Variants in PLXNB2 observed in about 807,000 individuals in gnomAD.
The protein encoded by PLXNB2 is plexin B2.
PLXNB2 carries 85 observed loss-of-function variants against 202.6 expected under a neutral mutation model. The observed-to-expected ratio is 0.42, with a 90% CI of 0.35 to 0.50. The LOEUF is 0.50. PLXNB2 is among the 20% of genes least tolerant of loss of function. The pLI, the probability that PLXNB2 is intolerant of heterozygous loss-of-function variation, is 0.02. For synonymous variants in PLXNB2, 1,239 were observed against 1,137.6 expected (o/e 1.09, Z -1.79); for missense variants, 2,063 against 2,586.2 (o/e 0.80, Z 4.39).
chr22:50,289,496 A>G lies in PLXNB2; in HGVS notation c.1068+21T>C, dbSNP rs750895152. 2.5e-6 allele frequency: 4 copies of G among 1,587,896 alleles called. No individual in the cohort carries two copies. Among genetic ancestry groups the G allele is most frequent in the Admixed American group, 3.5e-5 (2 of 57,358 alleles). Reference sequence around the variant, plus strand: ...GGACGCCTGCAGTCCGGGCCCTGCGAGAACACACTGAGGCCCATACCGGCG... The same window carrying G: ...GGACGCCTGCAGTCCGGGCCCTGCGGGAACACACTGAGGCCCATACCGGCG... On this transcript the variant is annotated intron_variant, in intron 3 of 36. Transcript: ENST00000359337. This position sits in a 1 kb window ranked among gnomAD's most constrained non-coding sequence, Gnocchi z 8.0.
In PLXNB2 at chr22:50,281,151, ATCT is replaced by A; in HGVS notation, c.3698_3700del (p.Lys1233del). On this transcript the variant is annotated inframe_deletion, in exon 23 of 37. Transcript: ENST00000359337. ...CTCCAGGCCCTCCAGCTGGGACTTGATCTTCTCATACTCTCGTTCGGCCTGCTG... is the reference window on the plus strand; with the variant it reads ...CTCCAGGCCCTCCAGCTGGGACTTGATCTCATACTCTCGTTCGGCCTGCTG... The A allele has an allele frequency of 6.2e-7, 1 of 1,613,154 alleles. No individual in the cohort carries two copies. The highest frequency in any genetic ancestry group is 8.5e-7 in the Non-Finnish European group (1 of 1,179,900).
In PLXNB2 at chr22:50,282,227, G is replaced by T; in HGVS notation, c.3074C>A (p.Ser1025Tyr). 1 of 1,612,220 alleles carries T rather than the reference G, an allele frequency of 6.2e-7. No individual in the cohort carries two copies. The highest frequency in any genetic ancestry group is 1.1e-5 in the South Asian group (1 of 91,046). Residue 1025 changes from serine (S) to tyrosine (Y), a missense_variant, in exon 19 of 37, where the codon TCC becomes TAC. Physicochemically the swap from Ser to Tyr is moderately radical, Grantham distance 144 (BLOSUM62 -2). This residue lies in a region of PLXNB2 where 1,303 missense variants were observed against 1,476.8 expected (regional missense o/e 0.88). Transcript: ENST00000359337. ...AMVVIAEPLQSWQPPREAESL... is the reference protein window; with the variant it reads ...AMVVIAEPLQYWQPPREAESL... ...TTCAGCCTCCCGCGGCGGCTGCCAG[G>T]ACTGCAGGGGCTCCGCGATGACCAC...
Position 50,287,736 on chromosome 22 carries a change from G to A in PLXNB2, c.1539C>T (p.Ser513=), listed in dbSNP as rs556631784. The A allele has an allele frequency of 5.6e-5, 88 of 1,580,422 alleles. No homozygotes were observed. The highest frequency in any genetic ancestry group is 7.1e-5 in the Non-Finnish European group (83 of 1,168,828). The change falls in exon 7 of 37, where the codon AGC becomes AGT. Residue 513 remains serine (S), a synonymous_variant. Coordinates refer to ENST00000359337, the MANE Select transcript of PLXNB2 (RefSeq NM_012401.4). ...RAEEASHWLW[S]RSKSCVAVTS... is the part of the protein sequence containing the mutation. ...TGACGGCCACGCAGGACTTGCTTCG[G>A]CTCCACAGCCAGTGGCTGGCCTCCT...
intron 1 of PLXNB2, among the ~76,000 whole-genome samples, chr22:50,298,830 G>A (rs1002386494): frequency 8.5e-5 from 13 of 152,224 alleles, no homozygotes; most frequent in Non-Finnish European, 7.3e-5. Context: ...TATTTCAGTA[G>A]AGATGGGGCT....
At chr22:50,301,716 G>A (rs935973440) in intron 1 of PLXNB2, among the ~76,000 whole-genome samples, 35 of 152,330 alleles carry the variant, frequency 2.3e-4, no homozygotes, top group Middle Eastern at 6.8e-3. Flanking sequence ...TCTCACCCCC[G>A]GGGTGGGCGT....
intron 18 of PLXNB2, 29 bp downstream of exon 18, chr22:50,282,682 A>C (rs1468978762): frequency 6.6e-7 from 1 of 1,516,362 alleles, no homozygotes; most frequent in African/African-American, 1.4e-5. Flanking sequence ...TGTGGGGAGC[A>C]GAGGGGGGCG....
Position 50,283,994 on chromosome 22 carries a change from C to A in PLXNB2, c.2264-4G>T, listed in dbSNP as rs764571552. 6.5e-7 allele frequency: 1 copy of A among 1,537,002 alleles called. No individual in the cohort carries two copies. Among genetic ancestry groups the A allele is most frequent in the African/African-American group, 1.4e-5 (1 of 73,216 alleles). On this transcript the variant is annotated splice_polypyrimidine_tract_variant and splice_region_variant and intron_variant, in intron 13 of 36. Transcript: ENST00000359337. Reference sequence around the variant, plus strand: ...AAGGAGCAGTTGTAGAGGGTCACTGCGGGGAGAGCTGCCGTCAGTGGTCAC... The same window carrying A: ...AAGGAGCAGTTGTAGAGGGTCACTGAGGGGAGAGCTGCCGTCAGTGGTCAC...
chr22:50,303,670 C>A (rs922287815), intron 1 of PLXNB2, among the ~76,000 whole-genome samples: 3 of 152,230 alleles, frequency 2.0e-5, no homozygotes, highest in Admixed American at 6.5e-5. Context: ...GCCCAGAAAT[C>A]GGTGCTGGAC....
rs139600485 is a variant in PLXNB2, at chr22:50,305,874, T to C, written c.-74+1679A>G. On this transcript the variant is annotated intron_variant, in intron 1 of 36. Coordinates refer to ENST00000359337, the MANE Select transcript of PLXNB2 (RefSeq NM_012401.4). ...GTTCCATGGTCTCCCCCAGAGGGGC[T>C]TGGGCCCACTGCAGGCTCAGCAGGG... Among the ~76,000 whole-genome samples, 988 of 152,248 alleles carry C rather than the reference T, an allele frequency of 6.5e-3. 19 individuals are homozygous for C. The highest frequency in any genetic ancestry group is 0.023 in the African/African-American group (953 of 41,532).
chr22:50,296,916 G>T (rs555777698), intron 1 of PLXNB2, among the ~76,000 whole-genome samples: 1 of 152,322 alleles, frequency 6.6e-6, no homozygotes, highest in Admixed American at 6.5e-5. Flanking sequence ...CCACAGCTGT[G>T]CATGGACTGT....
chr22:50,288,546 C>T lies in PLXNB2; in HGVS notation c.1380+197G>A, dbSNP rs1023888781. Among the ~76,000 whole-genome samples the T allele has an allele frequency of 6.6e-6, 1 of 152,044 alleles. No homozygotes were observed. Among genetic ancestry groups the T allele is most frequent in the Non-Finnish European group, 1.5e-5 (1 of 68,006 alleles). On this transcript the variant is annotated intron_variant, in intron 5 of 36. Transcript: ENST00000359337. The surrounding 1 kb of genome is among the most constrained non-coding windows in gnomAD (Gnocchi z 5.0). ...GGACAAACAGAAGGAGCGGCAGAGA[C>T]GGGGCAGTGCTAGAGAGACACAGGA...
At chr22:50,276,524 C>G in intron 35 of PLXNB2, 105 bp downstream of exon 35, 1 of 993,000 alleles carries the variant, frequency 1.0e-6, no homozygotes, top group Non-Finnish European at 1.6e-6. Context: ...CACCCTCTCT[C>G]CCCCTCAGCA....
chr22:50,289,959 C>G lies in PLXNB2; in HGVS notation c.626G>C (p.Gly209Ala). 6.2e-7 allele frequency: 1 copy of G among 1,613,348 alleles called. No individual in the cohort carries two copies. ...CTGCTGTGTGTTGGTGGACAGGTAG[C>G]CGGCCTTGTAGGTGGCGTGGTCCGT... ...AYTDHATYKA[G>A]YLSTNTQQFV... The change falls in exon 3 of 37, where the codon GGC (glycine) becomes GCC (alanine). Residue 209 changes from glycine (G) to alanine (A), a missense_variant. Gly to Ala is a moderately conservative substitution (Grantham distance 60). Transcript: ENST00000359337. The surrounding 1 kb of genome is among the most constrained non-coding windows in gnomAD (Gnocchi z 8.0).
chr22:50,296,580 G>C (rs2067288429), intron 1 of PLXNB2, among the ~76,000 whole-genome samples: 1 of 100,788 alleles, frequency 9.9e-6, no homozygotes, highest in Non-Finnish European at 1.8e-5. Flanking sequence ...GAAAGAGCAA[G>C]ACTCTGTCTC....
intron 1 of PLXNB2, among the ~76,000 whole-genome samples, chr22:50,296,230 A>ACACACACACAC (rs1555926917): frequency 2.1e-5 from 3 of 146,160 alleles, no homozygotes; most frequent in South Asian, 2.1e-4. Context: ...ACACACACAC[A>ACACACACACAC]ATAAAAAAGT....
At chr22:50,280,223 G>GCCAC in intron 25 of PLXNB2, 152 bp from the exon 26 acceptor site, 1 of 660,374 alleles carries the variant, frequency 1.5e-6, no homozygotes, top group East Asian at 2.8e-5. Context: ...GGCAGCTCCA[G>GCCAC]CCCTTGTGGG....
intron 27 of PLXNB2, 117 bp from the exon 28 acceptor site, chr22:50,279,128 GCCC>G (rs761236779): frequency 1.1e-5 from 11 of 1,045,758 alleles, no homozygotes; most frequent in Non-Finnish European, 1.4e-5. Flanking sequence ...TGGGCAGCAG[GCCC>G]CCGCCAGCCC....
chr22:50,284,630 C>T lies in PLXNB2; in HGVS notation c.2124G>A (p.Lys708=). ...CCTGCATGGTCACCGGCTCCATGAA[C>T]TTGAGCAAGTCACTGCCCACGTGCA... ...SSLHVGSDLL[K]FMEPVTMQES... Residue 708 remains lysine (K), a synonymous_variant, in exon 12 of 37, where the codon AAG becomes AAA. Coordinates refer to ENST00000359337, the MANE Select transcript of PLXNB2 (RefSeq NM_012401.4). The surrounding 1 kb of genome is among the most constrained non-coding windows in gnomAD (Gnocchi z 8.0). 1 of 1,612,346 alleles carries T rather than the reference C, an allele frequency of 6.2e-7. No individual in the cohort carries two copies. Among genetic ancestry groups the T allele is most frequent in the Non-Finnish European group, 8.5e-7 (1 of 1,179,572 alleles).
At chr22:50,279,150 G>A (rs2065818538) in intron 27 of PLXNB2, 139 bp from the exon 28 acceptor site, 1 of 822,344 alleles carries the variant, frequency 1.2e-6, no homozygotes, top group Non-Finnish European at 1.9e-6. Context: ...CCGGCTCCGA[G>A]CCCCCGAGGC....
Sources: allele counts gnomAD v4.1 joint callset (sites outside exome capture counted in the v4.1 genomes callset), GRCh38; gene constraint gnomAD v4.1.1; regional missense constraint gnomAD v4.1.1; non-coding constraint Gnocchi (gnomAD v3.1); transcripts MANE v1.5; gene names NCBI Gene and HGNC (gene_info 2026-07-23, HGNC 2026-07-21).